Variants in N4BP1 observed in about 807,000 individuals in gnomAD.
N4BP1 encodes the protein NEDD4-binding protein 1.
N4BP1 carries 21 observed loss-of-function variants against 70.9 expected under a neutral mutation model. That is an observed-to-expected ratio of 0.30 (90% confidence interval 0.21 to 0.43). The LOEUF is 0.43. Among genes scored for constraint, N4BP1 ranks in the 20% least tolerant of loss-of-function variants. N4BP1 has a pLI of 1.00. For synonymous variants in N4BP1, 387 were observed against 394.6 expected (o/e 0.98, Z 0.23); for missense variants, 936 against 1,069.4 (o/e 0.88, Z 1.74).
chr16:48,604,569 CAA>C (rs1964548552), intron 1 of N4BP1, among the ~76,000 whole-genome samples: 1 of 113,466 alleles, frequency 8.8e-6, no homozygotes, highest in African/African-American at 4.0e-5. Flanking sequence ...GTCAAAAAAA[CAA>C]AACAAACAAA....
intron 1 of N4BP1, chr16:48,578,370 T>G (rs1421856124): frequency 6.6e-6 from 1 of 152,328 alleles, no homozygotes; most frequent in Admixed American, 6.5e-5. Context: ...CATCCGCCAT[T>G]TGATGTTTTC....
intron 6 of N4BP1, among the ~76,000 whole-genome samples, chr16:48,543,544 G>A (rs1034358391): frequency 6.6e-6 from 1 of 152,180 alleles, no homozygotes; most frequent in African/African-American, 2.4e-5. Context: ...ACCCCATCCA[G>A]CTGTTTGGCT....
Position 48,562,355 on chromosome 16 carries a change from G to C in N4BP1, c.288C>G (p.Ser96Arg). ...DMHCIFVGAE[S>R]LFLKSLIQDT... Reference sequence around the variant, plus strand: ...CCTGAATCAAGCTTTTCAGAAACAGGCTCTCTGCCCCAACAAAAATGCAGT... The same window carrying C: ...CCTGAATCAAGCTTTTCAGAAACAGCCTCTCTGCCCCAACAAAAATGCAGT... Residue 96 changes from serine (S) to arginine (R), a missense_variant, in exon 2 of 7, where the codon AGC becomes AGG. By Grantham distance (110) the Ser-to-Arg change is moderately radical. Coordinates refer to ENST00000262384, the MANE Select transcript of N4BP1 (RefSeq NM_153029.4). 2 of 1,613,774 alleles carry C rather than the reference G, an allele frequency of 1.2e-6. No homozygotes were observed. Among genetic ancestry groups the C allele is most frequent in the Non-Finnish European group, 1.7e-6 (2 of 1,179,810 alleles).
At chr16:48,584,867 T>C (rs550936486) in intron 1 of N4BP1, among the ~76,000 whole-genome samples, 4 of 152,362 alleles carry the variant, frequency 2.6e-5, no homozygotes, top group African/African-American at 9.6e-5. Context: ...TATTATTTTA[T>C]TATTTTAATA....
chr16:48,560,890 G>A lies in N4BP1; in HGVS notation c.1753C>T (p.His585Tyr). 1 of 1,613,972 alleles carries A rather than the reference G, an allele frequency of 6.2e-7. No individual in the cohort carries two copies. Among genetic ancestry groups the A allele is most frequent in the South Asian group, 1.1e-5 (1 of 91,076 alleles). ...TDARSAGPSD[H>Y]IDSSVTGVQR... is the part of the protein sequence containing the mutation. ...ACCCCAGTAACTGAGGAATCAATATGATCAGAAGGTCCTGCCGACCTTGCA... is the reference window on the plus strand; with the variant it reads ...ACCCCAGTAACTGAGGAATCAATATAATCAGAAGGTCCTGCCGACCTTGCA... The change falls in exon 2 of 7, where the codon CAT becomes TAT. Residue 585 changes from histidine to tyrosine, a missense_variant. Physicochemically the swap from His to Tyr is moderately conservative, Grantham distance 83. This residue lies in a region of N4BP1 where 515 missense variants were observed against 491.7 expected (regional missense o/e 1.05). Transcript: ENST00000262384.
Position 48,546,312 on chromosome 16 carries a change from G to A in N4BP1, c.2226-58C>T, listed in dbSNP as rs561363898. On this transcript the variant is annotated intron_variant, in intron 5 of 6. Coordinates refer to ENST00000262384, the MANE Select transcript of N4BP1 (RefSeq NM_153029.4). ...AGGGTCCTCACTGCCCAGGGCCTGC[G>A]TAAGGATCCCAAAGCAGCCACCTGA... The A allele has an allele frequency of 3.7e-5, 47 of 1,254,286 alleles. No individual in the cohort carries two copies. In the South Asian group the frequency reaches 4.4e-4, roughly 12 times the overall value. 77.7% of individuals were successfully genotyped at this position (1,254,286 alleles called of 1,614,324 possible).
In N4BP1 at chr16:48,582,722, G is replaced by A. The variant is rs117503811; in HGVS notation, c.199-20278C>T. 1.6e-3 allele frequency among the ~76,000 whole-genome samples: 238 copies of A among 152,148 alleles called. 3 individuals are homozygous for A. The East Asian group carries it at 0.038, about 24-fold the overall frequency. ...AAAAAACGTTGTATATATAGGACTC[G>A]GTACCATCCAAGGTTTTAGGTATCT... On this transcript the variant is annotated intron_variant, in intron 1 of 6. Coordinates refer to ENST00000262384, the MANE Select transcript of N4BP1 (RefSeq NM_153029.4).
intron 1 of N4BP1, among the ~76,000 whole-genome samples, chr16:48,590,216 G>A (rs772732916): frequency 6.6e-6 from 1 of 151,818 alleles, no homozygotes; most frequent in Non-Finnish European, 1.5e-5. Flanking sequence ...TCCCACCCAG[G>A]AACAGAAGAC....
intron 1 of N4BP1, among the ~76,000 whole-genome samples, chr16:48,602,796 A>AAAAT (rs142256457): frequency 0.11 from 16,395 of 146,666 alleles, 1,037 homozygotes; most frequent in Non-Finnish European, 0.14. Flanking sequence ...ATAAAAAATA[A>AAAAT]AAATAAATAA....
chr16:48,553,446 GCA>G, intron 3 of N4BP1, 91 bp downstream of exon 3: 1 of 1,266,946 alleles, frequency 7.9e-7, no homozygotes, highest in African/African-American at 1.5e-5. Context: ...GCTGCCTATG[GCA>G]CACAGCTCTA....
chr16:48,560,886 A>G lies in N4BP1; in HGVS notation c.1757T>C (p.Ile586Thr), dbSNP rs375205611. 15 of 1,613,992 alleles carry G rather than the reference A, an allele frequency of 9.3e-6. No homozygotes were observed. Among genetic ancestry groups the G allele is most frequent in the South Asian group, 5.5e-5 (5 of 91,080 alleles). The part of the protein sequence containing the change: ...DARSAGPSDH[I>T]DSSVTGVQRF... ...TTGAACCCCAGTAACTGAGGAATCA[A>G]TATGATCAGAAGGTCCTGCCGACCT... The change falls in exon 2 of 7, where the codon ATT (isoleucine) becomes ACT (threonine). Residue 586 changes from isoleucine to threonine, a missense_variant. This residue lies in a region of N4BP1 where 515 missense variants were observed against 491.7 expected (regional missense o/e 1.05). Coordinates refer to ENST00000262384, the MANE Select transcript of N4BP1 (RefSeq NM_153029.4).
At chr16:48,577,783 G>A (rs1053559935) in intron 1 of N4BP1, 19 of 160,130 alleles carry the variant, frequency 1.2e-4, no homozygotes, top group African/African-American at 2.9e-4. Context: ...CTTGGGTACC[G>A]GGGCCGAGAT....
chr16:48,594,129 G>A (rs1249966220), intron 1 of N4BP1, among the ~76,000 whole-genome samples: 1 of 151,750 alleles, frequency 6.6e-6, no homozygotes, highest in Non-Finnish European at 1.5e-5. Flanking sequence ...GATAACGAAA[G>A]GTTTTCATTT....
chr16:48,550,253 C>T (rs1049301465), intron 4 of N4BP1, among the ~76,000 whole-genome samples: 5 of 152,186 alleles, frequency 3.3e-5, no homozygotes, highest in African/African-American at 1.2e-4. Flanking sequence ...TGACTCATGC[C>T]TGTAATCCCA....
Position 48,544,082 on chromosome 16 carries a change from AG to A in N4BP1, c.2334-822del, listed in dbSNP as rs569650875. Among the ~76,000 whole-genome samples the A allele has an allele frequency of 1.5e-3, 225 of 152,342 alleles. 1 individual carries two copies. Among genetic ancestry groups the A allele is most frequent in the African/African-American group, 4.3e-3 (180 of 41,582 alleles). ...ACAGGCCTCGGGCCTGAAGCCCAGC[AG>A]GGGATTTCCAAGTTCAGATGTGGGG... On this transcript the variant is annotated intron_variant, in intron 6 of 6. Coordinates refer to ENST00000262384, the MANE Select transcript of N4BP1 (RefSeq NM_153029.4).
At chr16:48,546,282 G>A in intron 5 of N4BP1, 28 bp from the exon 6 acceptor site, 1 of 1,523,676 alleles carries the variant, frequency 6.6e-7, no homozygotes, top group Admixed American at 2.0e-5. Context: ...ATGAGGCTGA[G>A]AGACAGGGTC....
At chr16:48,547,797 A>G (rs982709509) in intron 5 of N4BP1, among the ~76,000 whole-genome samples, 1 of 152,374 alleles carries the variant, frequency 6.6e-6, no homozygotes, top group Non-Finnish European at 1.5e-5. Flanking sequence ...CATCACTGCC[A>G]GCTCTGCTGC....
chr16:48,596,622 C>T (rs1030980800), intron 1 of N4BP1, among the ~76,000 whole-genome samples: 1 of 152,254 alleles, frequency 6.6e-6, no homozygotes, highest in African/African-American at 2.4e-5. Context: ...TCAGACTTGA[C>T]TGACTCCATC....
At chr16:48,569,868 C>T (rs541145224) in intron 1 of N4BP1, among the ~76,000 whole-genome samples, 1 of 152,284 alleles carries the variant, frequency 6.6e-6, no homozygotes, top group Non-Finnish European at 1.5e-5. Context: ...AACTTCGTGG[C>T]TCACTTTCCT....
Sources: gnomAD v4.1 joint callset for allele counts (sites outside exome capture counted in the v4.1 genomes callset) on GRCh38, gnomAD v4.1.1 for gene constraint, gnomAD v4.1.1 regional missense constraint, MANE v1.5 for transcripts, NCBI Gene and HGNC (gene_info 2026-07-23, HGNC 2026-07-21) for gene names.